Variants in ATP11C observed in about 807,000 individuals in gnomAD.
The protein encoded by ATP11C is phospholipid-transporting ATPase IG.
Under a neutral mutation model 97.4 loss-of-function variants are expected in ATP11C, and 36 were observed. That is an observed-to-expected ratio of 0.37 (90% confidence interval 0.28 to 0.49). ATP11C has a LOEUF of 0.49. Ranked by LOEUF, ATP11C falls within the 20% of genes least tolerant of loss-of-function variation. The pLI is 0.98. For synonymous variants in ATP11C, 275 were observed against 290.9 expected (o/e 0.95, Z 0.56); for missense variants, 730 against 824.6 (o/e 0.89, Z 1.40).
intron 1 of ATP11C, among the ~76,000 whole-genome samples, chrX:139,836,597 A>G (rs749621563): frequency 2.5e-4 from 28 of 111,877 alleles, no homozygotes; most frequent in African/African-American, 9.1e-4. Flanking sequence ...AAAGTCACAA[A>G]GTCCAGGGAA....
At chrX:139,793,037 C>T (rs1454612423) in intron 12 of ATP11C, among the ~76,000 whole-genome samples, 1 of 111,298 alleles carries the variant, frequency 9.0e-6, no homozygotes, top group Non-Finnish European at 1.9e-5. Context: ...GGACTGGGCC[C>T]TCACCCTGTG....
At chrX:139,742,850 ATTTATT>A (rs1307668235) in intron 26 of ATP11C, among the ~76,000 whole-genome samples, 1 of 63,263 alleles carries the variant, frequency 1.6e-5, no homozygotes, top group Non-Finnish European at 3.0e-5. Context: ...ATTTTTTTAT[ATTTATT>A]TTTAAATTAA....
intron 1 of ATP11C, among the ~76,000 whole-genome samples, chrX:139,851,386 T>C (rs1389366063): frequency 4.5e-5 from 5 of 112,191 alleles, no homozygotes; most frequent in Non-Finnish European, 9.4e-5. Flanking sequence ...TAGCTAACTC[T>C]ATCTAGATTT....
At chrX:139,899,972 G>A (rs966605636) in intron 1 of ATP11C, among the ~76,000 whole-genome samples, 1 of 111,548 alleles carries the variant, frequency 9.0e-6, no homozygotes. Flanking sequence ...CAAAATCGGG[G>A]ATGAGCGACC....
chrX:139,807,903 G>A (rs1045671952), intron 5 of ATP11C, among the ~76,000 whole-genome samples: 10 of 108,199 alleles, frequency 9.2e-5, no homozygotes, highest in African/African-American at 2.7e-4. Flanking sequence ...AGTAAGCTAT[G>A]GCTGCGCCAC....
chrX:139,822,556 G>C (rs1314002081), intron 2 of ATP11C, among the ~76,000 whole-genome samples: 2 of 111,418 alleles, frequency 1.8e-5, no homozygotes, highest in Admixed American at 9.5e-5. Flanking sequence ...TGGAATTACA[G>C]GCATACGCCA....
chrX:139,781,301 A>G (rs1330270813), intron 18 of ATP11C, among the ~76,000 whole-genome samples: 4 of 112,353 alleles, frequency 3.6e-5, no homozygotes, highest in African/African-American at 1.3e-4. Context: ...TTCATATATA[A>G]TATTTAGAAA....
intron 1 of ATP11C, among the ~76,000 whole-genome samples, chrX:139,858,799 T>C (rs1453067526): frequency 8.9e-6 from 1 of 112,136 alleles, no homozygotes; most frequent in Non-Finnish European, 1.9e-5. Flanking sequence ...GTGATATGAG[T>C]ACCCTTTTCA....
intron 1 of ATP11C, among the ~76,000 whole-genome samples, chrX:139,911,717 A>G (rs1012214093): frequency 2.7e-5 from 3 of 111,209 alleles, no homozygotes; most frequent in Non-Finnish European, 3.8e-5. Context: ...ACCAAAAGAT[A>G]CATATTGTTC....
At chrX:139,857,835 A>C (rs1407320249) in intron 1 of ATP11C, among the ~76,000 whole-genome samples, 1 of 111,804 alleles carries the variant, frequency 8.9e-6, no homozygotes, top group African/African-American at 3.3e-5. Context: ...GAATTAATAT[A>C]CTTCATATGT....
Position 139,894,575 on chromosome X carries a change from G to C in ATP11C, c.27+37441C>G, listed in dbSNP as rs182496408. Among the ~76,000 whole-genome samples the C allele has an allele frequency of 4.5e-5, 5 of 111,093 alleles. No homozygotes were observed. In the East Asian group the frequency reaches 1.4e-3, roughly 31 times the overall value. On this transcript the variant is annotated intron_variant, in intron 1 of 29. Coordinates refer to ENST00000682941, the MANE Select transcript of ATP11C (RefSeq NM_001353812.2). Reference sequence around the variant, plus strand: ...AGACCTAGTGTTTGATACATCAGTAGAGTGACTATAGTTAACAATAATCTA... The same window carrying C: ...AGACCTAGTGTTTGATACATCAGTACAGTGACTATAGTTAACAATAATCTA...
intron 1 of ATP11C, among the ~76,000 whole-genome samples, chrX:139,871,168 G>A (rs1028712387): frequency 1.8e-5 from 2 of 110,379 alleles, no homozygotes; most frequent in African/African-American, 6.6e-5. Context: ...AACTGAACAG[G>A]GCTTTGAATG....
At chrX:139,858,891 C>T (rs865954300) in intron 1 of ATP11C, among the ~76,000 whole-genome samples, 5 of 112,146 alleles carry the variant, frequency 4.5e-5, no homozygotes, top group Non-Finnish European at 7.5e-5. Context: ...ATATTCACAG[C>T]ATTGTGCAAC....
At chrX:139,780,215 C>A (rs1362911190) in intron 18 of ATP11C, among the ~76,000 whole-genome samples, 1 of 110,716 alleles carries the variant, frequency 9.0e-6, no homozygotes, top group Admixed American at 9.6e-5. Context: ...CTAGTATCAT[C>A]CTAAAATAAA....
At chrX:139,912,082 GGC>G (rs1466097324) in intron 1 of ATP11C, among the ~76,000 whole-genome samples, 1 of 105,072 alleles carries the variant, frequency 9.5e-6, no homozygotes, top group Non-Finnish European at 1.9e-5. Flanking sequence ...GGCTGAGGCA[GGC>G]GAATCGCTTG....
chrX:139,783,319 G>T, intron 16 of ATP11C, 52 bp from the exon 17 acceptor site: 1 of 942,248 alleles, frequency 1.1e-6, no homozygotes, highest in Non-Finnish European at 1.5e-6. Flanking sequence ...CTGGTATTGT[G>T]GTTTTAGTAA....
At chrX:139,752,104 T>C (rs976914124) in intron 23 of ATP11C, among the ~76,000 whole-genome samples, 5 of 111,756 alleles carry the variant, frequency 4.5e-5, no homozygotes, top group Non-Finnish European at 9.4e-5. Flanking sequence ...TCCTTTAAGA[T>C]GTCGACGTTA....
At chrX:139,867,842 A>G (rs781401193) in intron 1 of ATP11C, among the ~76,000 whole-genome samples, 1 of 112,195 alleles carries the variant, frequency 8.9e-6, no homozygotes, top group African/African-American at 3.2e-5. Context: ...GCAAGGCTGG[A>G]CAAGCTACAC....
At position 139,893,985 on chromosome X, in the gene ATP11C, C is replaced by T. The variant is rs1603413227; in HGVS notation, c.27+38031G>A. 3.6e-5 allele frequency among the ~76,000 whole-genome samples: 4 copies of T among 110,703 alleles called. No homozygotes were observed. The South Asian group carries it at 1.5e-3, about 42-fold the overall frequency. ...TGCTCTTTCCATTCACACAGACCAT[C>T]GATACTTGATACGACAGAATGGAAA... On this transcript the variant is annotated intron_variant, in intron 1 of 29. Transcript: ENST00000682941.
Sources: gnomAD v4.1 joint callset for allele counts (sites outside exome capture counted in the v4.1 genomes callset) on GRCh38, gnomAD v4.1.1 for gene constraint, MANE v1.5 for transcripts, NCBI Gene and HGNC (gene_info 2026-07-23, HGNC 2026-07-21) for gene names.